TEX11: variants seen among roughly 807,000 people sequenced by gnomAD.
The protein encoded by TEX11 is testis-expressed protein 11.
In TEX11, 7 loss-of-function variants were observed where a neutral mutation model predicts 84.4. The ratio of observed to expected loss-of-function variants is 0.08; its 90% confidence interval spans 0.05 to 0.16. The LOEUF is 0.16. Among genes scored for constraint, TEX11 ranks in the 10% least tolerant of loss-of-function variants. The pLI is 1.00. For synonymous variants in TEX11, 264 were observed against 222.8 expected (o/e 1.18, Z -1.64); for missense variants, 551 against 660.5 (o/e 0.83, Z 1.82).
chrX:70,818,104 C>T (rs769371954), intron 8 of TEX11, among the ~76,000 whole-genome samples: 8 of 111,240 alleles, frequency 7.2e-5, no homozygotes, highest in Non-Finnish European at 1.5e-4. Flanking sequence ...GCCAGGGCAA[C>T]ATGGCGAAAC....
intron 16 of TEX11, among the ~76,000 whole-genome samples, chrX:70,657,465 AAAGC>A (rs1312520410): frequency 9.0e-6 from 1 of 110,827 alleles, no homozygotes; most frequent in Non-Finnish European, 1.9e-5. Context: ...TAAAAAAAAA[AAAGC>A]AGCAGCAGCA....
At chrX:70,546,625 T>C (rs2088129305) in intron 28 of TEX11, among the ~76,000 whole-genome samples, 1 of 110,628 alleles carries the variant, frequency 9.0e-6, no homozygotes, top group African/African-American at 3.3e-5. Flanking sequence ...AATAAGTACA[T>C]GAAAAAATGA....
At chrX:70,689,374 C>A (rs1461215253) in intron 13 of TEX11, among the ~76,000 whole-genome samples, 7 of 111,569 alleles carry the variant, frequency 6.3e-5, no homozygotes, top group Non-Finnish European at 1.9e-5. Context: ...CCAGTAGCAA[C>A]AAGCACAACT....
chrX:70,618,689 C>T (rs769470002), intron 20 of TEX11, among the ~76,000 whole-genome samples: 7 of 111,675 alleles, frequency 6.3e-5, no homozygotes, highest in East Asian at 2.8e-4. Context: ...CCTTTGCTTA[C>T]GCAGTGGTAG....
chrX:70,812,359 C>A (rs1166534429), intron 8 of TEX11, among the ~76,000 whole-genome samples: 1 of 110,304 alleles, frequency 9.1e-6, no homozygotes, highest in Admixed American at 9.8e-5. Flanking sequence ...GGCGCACCCA[C>A]CACCAGGCCG....
intron 18 of TEX11, among the ~76,000 whole-genome samples, chrX:70,625,711 A>G (rs1308332111): frequency 1.8e-5 from 2 of 108,259 alleles, no homozygotes; most frequent in African/African-American, 6.7e-5. Context: ...TGACTTACTT[A>G]TTGCTCAGTT....
chrX:70,681,953 T>C (rs1016767705), intron 14 of TEX11, among the ~76,000 whole-genome samples: 1 of 111,726 alleles, frequency 9.0e-6, no homozygotes, highest in Admixed American at 9.5e-5. Context: ...TGGTAGAGTA[T>C]TTAGAAGAAA....
At chrX:70,678,371 T>C (rs1050381696) in intron 15 of TEX11, among the ~76,000 whole-genome samples, 1 of 110,811 alleles carries the variant, frequency 9.0e-6, no homozygotes, top group Admixed American at 9.6e-5. Flanking sequence ...ACACAAAGAT[T>C]AGAAGGAAAT....
chrX:70,864,239 C>G (rs1202732044), intron 4 of TEX11, among the ~76,000 whole-genome samples: 1 of 111,089 alleles, frequency 9.0e-6, no homozygotes, highest in Admixed American at 9.6e-5. Flanking sequence ...GAGAACACCA[C>G]TAAGATACTC....
At chrX:70,834,182 C>T (rs1424875452) in intron 7 of TEX11, among the ~76,000 whole-genome samples, 1 of 95,586 alleles carries the variant, frequency 1.0e-5, no homozygotes, top group African/African-American at 3.5e-5. Context: ...AGAGCAAAAC[C>T]CCATCTCTTA....
At chrX:70,614,503 T>C (rs1454572290) in intron 20 of TEX11, among the ~76,000 whole-genome samples, 1 of 111,988 alleles carries the variant, frequency 8.9e-6, no homozygotes, top group Non-Finnish European at 1.9e-5. Context: ...AGAGAACATC[T>C]GAGCTACACT....
intron 9 of TEX11, among the ~76,000 whole-genome samples, chrX:70,748,576 C>T (rs1297502427): frequency 1.8e-5 from 2 of 109,446 alleles, no homozygotes; most frequent in African/African-American, 3.3e-5. Flanking sequence ...AGTCTTTAAT[C>T]CATCTTGAAT....
At chrX:70,905,312 G>T (rs373829910) in intron 2 of TEX11, among the ~76,000 whole-genome samples, 12 of 110,949 alleles carry the variant, frequency 1.1e-4, no homozygotes, top group Non-Finnish European at 2.1e-4. Context: ...ACGACAGAGT[G>T]AGACTCTGTC....
At chrX:70,819,027 A>T (rs1255816738) in intron 8 of TEX11, among the ~76,000 whole-genome samples, 2 of 112,252 alleles carry the variant, frequency 1.8e-5, no homozygotes, top group African/African-American at 6.5e-5. Flanking sequence ...AAGAAGAATT[A>T]ATATCAATCC....
chrX:70,816,227 T>C (rs1223444516), intron 8 of TEX11, among the ~76,000 whole-genome samples: 1 of 112,050 alleles, frequency 8.9e-6, no homozygotes, highest in Non-Finnish European at 1.9e-5. Context: ...TAGTCTCCAA[T>C]AGGATTAGAG....
At chrX:70,794,656 G>A (rs1294482643) in intron 9 of TEX11, among the ~76,000 whole-genome samples, 1 of 109,396 alleles carries the variant, frequency 9.1e-6, no homozygotes, top group Non-Finnish European at 1.9e-5. Flanking sequence ...AGGACACCAG[G>A]AAGAGTCATG....
chrX:70,539,073 T>C (rs1336089370), intron 28 of TEX11, among the ~76,000 whole-genome samples: 68 of 93,290 alleles, frequency 7.3e-4, no homozygotes, highest in African/African-American at 2.6e-3. Flanking sequence ...CTCACTCTGT[T>C]GCCCAAGCTG....
At chrX:70,570,287 C>T (rs913838390) in intron 25 of TEX11, among the ~76,000 whole-genome samples, 5 of 111,808 alleles carry the variant, frequency 4.5e-5, no homozygotes, top group Admixed American at 9.5e-5. Flanking sequence ...GGGAGTGACC[C>T]GATTTTCCAG....
At chrX:70,902,790 T>C (rs1260437893) in intron 2 of TEX11, among the ~76,000 whole-genome samples, 1 of 111,888 alleles carries the variant, frequency 8.9e-6, no homozygotes, top group African/African-American at 3.3e-5. Flanking sequence ...TCTGCCCGCC[T>C]CAACCTCCCA....
Sources: allele counts gnomAD v4.1 joint callset (sites outside exome capture counted in the v4.1 genomes callset), GRCh38; gene constraint gnomAD v4.1.1; transcripts MANE v1.5; gene names NCBI Gene and HGNC (gene_info 2026-07-23, HGNC 2026-07-21).